LRP1B: variants seen among roughly 807,000 people sequenced by gnomAD.
LRP1B encodes the protein LDL receptor related protein 1B.
Under a neutral mutation model 556.6 loss-of-function variants are expected in LRP1B, and 217 were observed. The ratio of observed to expected loss-of-function variants is 0.39; its 90% CI spans 0.35 to 0.44. LRP1B has a LOEUF of 0.44. Among genes scored for constraint, LRP1B ranks in the 20% least tolerant of loss-of-function variants. The probability of loss-of-function intolerance (pLI) is 1.00; values close to 1 mark genes in which losing one functional copy is unlikely to be tolerated. For missense variants in LRP1B, 5,053 were observed against 5,620.8 expected, an observed-to-expected ratio of 0.90 and a Z score of 3.23; for synonymous variants, 2,047 against 1,865.8, an observed-to-expected ratio of 1.10 and a Z score of -2.50.
At chr2:140,769,135 G>A (rs2104933929) in intron 35 of LRP1B, 78 bp downstream of exon 35, 2 of 1,341,312 alleles carry the variant, frequency 1.5e-6, no homozygotes, top group Non-Finnish European at 2.1e-6. Context: ...AAGCACAGAG[G>A]AAAAGATTGT....
intron 2 of LRP1B, among the ~76,000 whole-genome samples, chr2:141,530,171 T>C (rs1392640465): frequency 6.6e-6 from 1 of 152,144 alleles, no homozygotes; most frequent in Non-Finnish European, 1.5e-5. Flanking sequence ...GAAAGCACTA[T>C]TTTATAAGTA....
At chr2:140,651,358 G>T (rs1421025001) in intron 41 of LRP1B, among the ~76,000 whole-genome samples, 3 of 103,582 alleles carry the variant, frequency 2.9e-5, no homozygotes, top group Non-Finnish European at 3.8e-5. Flanking sequence ...GTTGTGGGGT[G>T]GGGGGAGGGG....
At chr2:140,334,725 C>T (rs1399552003) in intron 78 of LRP1B, among the ~76,000 whole-genome samples, 166 bp from the exon 79 acceptor site, 2 of 151,984 alleles carry the variant, frequency 1.3e-5, no homozygotes, top group African/African-American at 4.8e-5. Context: ...AATAAATGGC[C>T]TGGGGAATCA....
intron 2 of LRP1B, among the ~76,000 whole-genome samples, chr2:141,721,989 C>T (rs774754770): frequency 6.6e-6 from 1 of 152,154 alleles, no homozygotes; most frequent in African/African-American, 2.4e-5. Context: ...AAAATAGTTT[C>T]CTCCTCTAAT....
chr2:140,663,563 T>C (rs894547597), intron 41 of LRP1B, among the ~76,000 whole-genome samples: 30 of 152,184 alleles, frequency 2.0e-4, no homozygotes, highest in Admixed American at 3.9e-4. Context: ...GCTTCCTCAC[T>C]TCTCTCGGAC....
intron 18 of LRP1B, among the ~76,000 whole-genome samples, chr2:140,958,775 G>T (rs1439660469): frequency 6.6e-6 from 1 of 151,508 alleles, no homozygotes; most frequent in Non-Finnish European, 1.5e-5. Flanking sequence ...GAATTAACCT[G>T]CAACAATTTT....
intron 2 of LRP1B, among the ~76,000 whole-genome samples, chr2:141,627,468 G>C (rs1436816734): frequency 6.6e-6 from 1 of 152,160 alleles, no homozygotes; most frequent in Admixed American, 6.5e-5. Context: ...GAAGTGGGCC[G>C]CACAGCAGGA....
At chr2:141,235,367 C>T (rs907737761) in intron 5 of LRP1B, among the ~76,000 whole-genome samples, 14 of 151,966 alleles carry the variant, frequency 9.2e-5, no homozygotes, top group Admixed American at 6.6e-4. Flanking sequence ...AAGTTATCTA[C>T]AAAGAACTAT....
intron 3 of LRP1B, among the ~76,000 whole-genome samples, chr2:141,471,576 T>G (rs1265110351): frequency 6.6e-6 from 1 of 152,178 alleles, no homozygotes; most frequent in African/African-American, 2.4e-5. Flanking sequence ...GAGATGCCTG[T>G]CAACCATCAG....
At chr2:141,000,388 G>A (rs1697382118) in intron 15 of LRP1B, among the ~76,000 whole-genome samples, 1 of 152,106 alleles carries the variant, frequency 6.6e-6, no homozygotes, top group African/African-American at 2.4e-5. Flanking sequence ...AAGTATAAAA[G>A]TGAGCAATTA....
chr2:140,982,287 C>A lies in LRP1B; in HGVS notation c.2771-11G>T, dbSNP rs2105344006. On this transcript the variant is annotated splice_polypyrimidine_tract_variant and intron_variant, in intron 17 of 90. Transcript: ENST00000389484. The stretch of plus-strand genomic sequence containing the variant: ...CCTGGCATGTTCTGGCTATGATGAT[C>A]AATTAATAAACAAAAAATCAATTTA... 2.2e-5 allele frequency: 35 copies of A among 1,579,068 alleles called. No homozygotes were observed. Among genetic ancestry groups the A allele is most frequent in the Non-Finnish European group, 3.0e-5 (34 of 1,149,550 alleles).
chr2:140,559,378 G>T (rs1359472559), intron 43 of LRP1B, among the ~76,000 whole-genome samples: 1 of 151,970 alleles, frequency 6.6e-6, no homozygotes, highest in Admixed American at 6.6e-5. Flanking sequence ...TATATTAAAA[G>T]TTCCACAAAA....
intron 2 of LRP1B, among the ~76,000 whole-genome samples, chr2:141,632,759 A>G (rs1378025746): frequency 6.6e-6 from 1 of 152,076 alleles, no homozygotes; most frequent in African/African-American, 2.4e-5. Context: ...TGACATAAAA[A>G]TTGATCAAAG....
At chr2:141,746,611 T>G (rs554090123) in intron 2 of LRP1B, among the ~76,000 whole-genome samples, 1 of 152,166 alleles carries the variant, frequency 6.6e-6, no homozygotes, top group South Asian at 2.1e-4. Flanking sequence ...AACCAGGTAC[T>G]GTGAGTGCAC....
At position 140,495,664 on chromosome 2, in the gene LRP1B, T is replaced by C. The variant is rs746385275; in HGVS notation, c.8935A>G (p.Ser2979Gly). Residue 2979 changes from serine (S) to glycine (G), a missense_variant, in exon 56 of 91, where the codon AGC becomes GGC. Physicochemically the swap from Ser to Gly is moderately conservative, Grantham distance 56. This residue lies in a region of LRP1B where 3,619 missense variants were observed against 3,931.9 expected (regional missense o/e 0.92). Coordinates refer to ENST00000389484, the MANE Select transcript of LRP1B (RefSeq NM_018557.3). Reference sequence around the variant, plus strand: ...CCGTATGTATTGATGCATTGCTGGCTACAGGGAAAGCCTGAAGAGCATTCA... The same window carrying C: ...CCGTATGTATTGATGCATTGCTGGCCACAGGGAAAGCCTGAAGAGCATTCA... The part of the protein sequence containing the change: ...IDECSSGFPC[S>G]QQCINTYGTY... The C allele has an allele frequency of 1.3e-5, 21 of 1,614,042 alleles. No individual in the cohort carries two copies. The highest frequency in any genetic ancestry group is 1.7e-4 in the Middle Eastern group (1 of 6,058).
At chr2:140,518,425 T>C (rs1254728848) in intron 49 of LRP1B, among the ~76,000 whole-genome samples, 2 of 152,280 alleles carry the variant, frequency 1.3e-5, no homozygotes, top group East Asian at 3.9e-4. Context: ...TGAAAGTTAA[T>C]TTTAAGATAA....
chr2:140,816,242 C>T (rs1489563022), intron 31 of LRP1B, among the ~76,000 whole-genome samples: 2 of 151,956 alleles, frequency 1.3e-5, no homozygotes, highest in Non-Finnish European at 1.5e-5. Context: ...CTCAGCCTCC[C>T]AAGTGGCTGG....
rs185750607 is a variant in LRP1B, at chr2:141,385,024, T to C, written c.343+95372A>G. 2.3e-3 allele frequency among the ~76,000 whole-genome samples: 348 copies of C among 152,298 alleles called. 2 individuals carry two copies. Among genetic ancestry groups the C allele is most frequent in the Non-Finnish European group, 4.1e-3 (278 of 68,028 alleles). On this transcript the variant is annotated intron_variant, in intron 3 of 90. Coordinates refer to ENST00000389484, the MANE Select transcript of LRP1B (RefSeq NM_018557.3). ...AAACCCTTATCCTGTGTCTTTCTAA[T>C]ACCTTTGTCTCTGCTGGACTCGGGG...
At chr2:141,160,804 G>A (rs1395289746) in intron 7 of LRP1B, among the ~76,000 whole-genome samples, 2 of 151,410 alleles carry the variant, frequency 1.3e-5, no homozygotes, top group African/African-American at 2.4e-5. Context: ...TTGTGGTAAT[G>A]GACATGTTCA....
Sources: gnomAD v4.1 joint callset for allele counts (sites outside exome capture counted in the v4.1 genomes callset) on GRCh38, gnomAD v4.1.1 for gene constraint, gnomAD v4.1.1 regional missense constraint, MANE v1.5 for transcripts, NCBI Gene and HGNC (gene_info 2026-07-23, HGNC 2026-07-21) for gene names.